The following MAF variants were observed in gnomAD, a reference collection of about 807,000 sequenced individuals.
The protein encoded by MAF is MAF bZIP transcription factor.
Under a neutral mutation model 22.0 loss-of-function variants are expected in MAF, and 10 were observed. That is an observed-to-expected ratio of 0.45 (90% CI 0.28 to 0.77). The LOEUF (loss-of-function observed/expected upper bound fraction) is 0.77, where lower values mean the gene tolerates loss of function less well. Among genes scored for constraint, MAF ranks in the 30% least tolerant of loss-of-function variants. The pLI is 0.12. For synonymous variants in MAF, 337 were observed against 255.8 expected, an observed-to-expected ratio of 1.32 and a Z score of -3.03; for missense variants, 544 against 548.4, an observed-to-expected ratio of 0.99 and a Z score of 0.08.
chr16:79,502,708 A>AATAAATAAATATATATAT, the MAF span, among the ~76,000 whole-genome samples: 1 of 34,008 alleles, frequency 2.9e-5, no homozygotes, highest in African/African-American at 9.0e-5. Context: ...TATAAATATA[A>AATAAATAAATATATATAT]ATATATATAT....
the MAF span, among the ~76,000 whole-genome samples, chr16:79,486,453 A>G: frequency 1.1e-4 from 17 of 152,022 alleles, no homozygotes; most frequent in East Asian, 1.5e-3. Flanking sequence ...TTTCACATCT[A>G]AAACATAAAC....
the MAF span, among the ~76,000 whole-genome samples, chr16:79,434,863 T>G: frequency 3.3e-5 from 5 of 152,176 alleles, no homozygotes; most frequent in African/African-American, 1.2e-4. Flanking sequence ...TTTCATGGAT[T>G]AGAATCCAGG....
At chr16:79,570,745 A>T in the MAF span, among the ~76,000 whole-genome samples, 1 of 152,186 alleles carries the variant, frequency 6.6e-6, no homozygotes, top group African/African-American at 2.4e-5. Context: ...AAGTCCCCAG[A>T]TGTGGAATTG....
chr16:79,241,414 G>T, the MAF span, among the ~76,000 whole-genome samples: 2 of 152,040 alleles, frequency 1.3e-5, no homozygotes, highest in African/African-American at 4.8e-5. Flanking sequence ...ATCAATAGCT[G>T]AATTGATCAG....
chr16:79,424,156 T>C, the MAF span, among the ~76,000 whole-genome samples: 3 of 152,194 alleles, frequency 2.0e-5, no homozygotes, highest in South Asian at 4.1e-4. Context: ...AATTATCTGG[T>C]TGCAAGAGCT....
the MAF span, among the ~76,000 whole-genome samples, chr16:79,501,967 C>A: frequency 2.0e-5 from 3 of 152,182 alleles, no homozygotes; most frequent in Non-Finnish European, 4.4e-5. Context: ...TGAGAAGTGG[C>A]TGTGAGGTAT....
chr16:79,560,694 C>T, the MAF span, among the ~76,000 whole-genome samples: 1 of 151,922 alleles, frequency 6.6e-6, no homozygotes, highest in African/African-American at 2.4e-5. Context: ...GGAAGATTAA[C>T]ACACAACAGG....
the MAF span, among the ~76,000 whole-genome samples, chr16:79,526,916 G>A: frequency 4.6e-5 from 7 of 152,028 alleles, no homozygotes; most frequent in Non-Finnish European, 7.4e-5. Context: ...ATAGAAAGGG[G>A]GAATTTTATT....
the MAF span, among the ~76,000 whole-genome samples, chr16:79,351,307 A>G: frequency 6.6e-6 from 1 of 152,188 alleles, no homozygotes; most frequent in Non-Finnish European, 1.5e-5. Context: ...GAGTAGAGGT[A>G]GCTCTCTACT....
At chr16:79,460,459 G>A in the MAF span, among the ~76,000 whole-genome samples, 7 of 152,014 alleles carry the variant, frequency 4.6e-5, no homozygotes, top group African/African-American at 1.2e-4. Flanking sequence ...CATTCCACTT[G>A]GAACTCTATT....
At chr16:79,229,016 C>G in the MAF span, among the ~76,000 whole-genome samples, 1 of 151,790 alleles carries the variant, frequency 6.6e-6, no homozygotes, top group African/African-American at 2.4e-5. Context: ...CTTCTTGGAG[C>G]AAAAGATACA....
the MAF span, among the ~76,000 whole-genome samples, chr16:79,260,851 G>C: frequency 5.3e-5 from 8 of 152,114 alleles, no homozygotes; most frequent in South Asian, 1.7e-3. Context: ...AAAAAGTTGA[G>C]TTCTTTTAAA....
chr16:79,529,510 A>G, the MAF span, among the ~76,000 whole-genome samples: 8 of 152,310 alleles, frequency 5.3e-5, no homozygotes, highest in East Asian at 1.5e-3. Context: ...TAATAGGGGC[A>G]CTAATAATAA....
chr16:79,341,750 G>C, the MAF span, among the ~76,000 whole-genome samples: 1 of 152,188 alleles, frequency 6.6e-6, no homozygotes, highest in Non-Finnish European at 1.5e-5. Context: ...AGTGGAAGCA[G>C]AGAGATCAGT....
At chr16:79,447,909 AG>A in the MAF span, among the ~76,000 whole-genome samples, 3 of 100,944 alleles carry the variant, frequency 3.0e-5, no homozygotes, top group African/African-American at 8.7e-5. Flanking sequence ...AAAAAAAAAA[AG>A]AAAAGAAAAA....
the MAF span, among the ~76,000 whole-genome samples, chr16:79,533,142 G>C: frequency 6.6e-6 from 1 of 152,084 alleles, no homozygotes; most frequent in Non-Finnish European, 1.5e-5. Flanking sequence ...TTAGTCTGTA[G>C]CCATGGATCA....
the MAF span, among the ~76,000 whole-genome samples, chr16:79,544,842 G>C: frequency 9.9e-4 from 151 of 152,070 alleles, 1 homozygote; most frequent in Middle Eastern, 0.01. Flanking sequence ...TATTGATATG[G>C]CACCTTACTT....
In MAF at chr16:79,596,580, T is replaced by TAGTA. The variant is rs1362666920; in HGVS notation, c.1119-2031_1119-2028dup. On this transcript the variant is annotated intron_variant, in intron 1 of 1. Transcript: ENST00000326043. ...CATAGGAACAACACGCGTGGTTAGT[T>TAGTA]AGTAACTCAAGATATAAAACAATTT... 4.8e-6 allele frequency: 5 copies of TAGTA among 1,046,656 alleles called. No individual in the cohort carries two copies. The African/African-American group carries it at 8.3e-5, about 17-fold the overall frequency. 64.8% of individuals were successfully genotyped at this position (1,046,656 alleles called of 1,614,324 possible).
the MAF span, among the ~76,000 whole-genome samples, chr16:79,566,995 T>C: frequency 1.3e-5 from 2 of 152,120 alleles, no homozygotes; most frequent in Admixed American, 6.5e-5. Context: ...ATGAAGTAAA[T>C]GCATATAAAG....
Sources: gnomAD v4.1 joint callset for allele counts (sites outside exome capture counted in the v4.1 genomes callset) on GRCh38, gnomAD v4.1.1 for gene constraint, MANE v1.5 for transcripts, NCBI Gene and HGNC (gene_info 2026-07-23, HGNC 2026-07-21) for gene names.